Variants in CHCHD6 observed in about 807,000 individuals in gnomAD.
The protein encoded by CHCHD6 is coiled-coil-helix-coiled-coil-helix domain containing 6.
A neutral mutation model predicts 32.3 loss-of-function variants in CHCHD6; 28 were observed. That is an observed-to-expected ratio of 0.87 (90% confidence interval 0.64 to 1.19). The LOEUF is 1.19. Among genes scored for constraint, CHCHD6 ranks in the 50% most tolerant of loss-of-function variants. The probability of loss-of-function intolerance (pLI) is 0.00; values close to 1 mark genes in which losing one functional copy is unlikely to be tolerated. For synonymous variants in CHCHD6, 122 were observed against 117.5 expected (o/e 1.04, Z -0.25); for missense variants, 333 against 307.0 (o/e 1.08, Z -0.63).
chr3:126,745,919 C>T (rs529185678), intron 4 of CHCHD6, among the ~76,000 whole-genome samples: 4 of 152,268 alleles, frequency 2.6e-5, no homozygotes, highest in African/African-American at 7.2e-5. Flanking sequence ...TGCTTGGCTT[C>T]CTGCCCACTT....
At chr3:126,846,069 G>A (rs1206438953) in intron 4 of CHCHD6, among the ~76,000 whole-genome samples, 1 of 152,154 alleles carries the variant, frequency 6.6e-6, no homozygotes, top group African/African-American at 2.4e-5. Context: ...AAAACCTGTA[G>A]TCCACAGGCA....
At chr3:126,896,308 G>A (rs1467116727) in intron 5 of CHCHD6, among the ~76,000 whole-genome samples, 5 of 152,106 alleles carry the variant, frequency 3.3e-5, no homozygotes, top group Non-Finnish European at 5.9e-5. Flanking sequence ...TGCTCTTTGG[G>A]ACTTTGTCAA....
chr3:126,875,714 G>A lies in CHCHD6; in HGVS notation c.495+22984G>A, dbSNP rs2077531645. Among the ~76,000 whole-genome samples, 2 of 152,204 alleles carry A rather than the reference G, an allele frequency of 1.3e-5. 1 individual carries two copies. Among genetic ancestry groups the A allele is most frequent in the South Asian group, 4.1e-4 (2 of 4,832 alleles). On this transcript the variant is annotated intron_variant, in intron 5 of 7. Coordinates refer to ENST00000290913, the MANE Select transcript of CHCHD6 (RefSeq NM_032343.3). The stretch of plus-strand genomic sequence containing the variant: ...AGTCCCAGGGTTTAGACTCTAACCC[G>A]GGGAGGTAAAGGTATTTTCGCAGTT...
At chr3:126,950,561 C>G (rs1356648177) in intron 6 of CHCHD6, among the ~76,000 whole-genome samples, 1 of 152,244 alleles carries the variant, frequency 6.6e-6, no homozygotes, top group African/African-American at 2.4e-5. Flanking sequence ...AGTGATTCTC[C>G]TGCCTCAGCC....
chr3:126,841,050 T>C (rs7636132), intron 4 of CHCHD6, among the ~76,000 whole-genome samples: 136,557 of 149,528 alleles, frequency 0.91, 62,438 homozygotes, highest in East Asian at 0.95. Flanking sequence ...CCCACTCCCC[T>C]CACCCCACAA....
Position 126,931,367 on chromosome 3 carries a change from G to A in CHCHD6, c.566+16617G>A, listed in dbSNP as rs184660848. 5.5e-4 allele frequency among the ~76,000 whole-genome samples: 84 copies of A among 152,336 alleles called. No homozygotes were observed. In the East Asian group the frequency reaches 0.015, roughly 28 times the overall value. ...TCCTTCCCCTCCTGGGCCCAGCACA[G>A]GCTGGTGGGATGTGCTTGCTGGGTT... is the stretch of plus-strand genomic sequence containing the variant. On this transcript the variant is annotated intron_variant, in intron 6 of 7. Coordinates refer to ENST00000290913, the MANE Select transcript of CHCHD6 (RefSeq NM_032343.3).
intron 4 of CHCHD6, among the ~76,000 whole-genome samples, chr3:126,795,212 C>G (rs907568112): frequency 1.1e-4 from 16 of 152,160 alleles, no homozygotes; most frequent in African/African-American, 3.9e-4. Context: ...ACATGCAGAC[C>G]TCAGTGTGAA....
intron 6 of CHCHD6, among the ~76,000 whole-genome samples, chr3:126,945,368 T>C (rs1269098690): frequency 6.6e-6 from 1 of 151,690 alleles, no homozygotes; most frequent in African/African-American, 2.4e-5. Context: ...GTCAGAAAGA[T>C]CCCTCTAGTT....
At position 126,824,560 on chromosome 3, in the gene CHCHD6, C is replaced by CAAAAAAAA. The variant is rs71150454; in HGVS notation, c.412-28073_412-28066dup. Among the ~76,000 whole-genome samples, 206 of 39,976 alleles carry CAAAAAAAA rather than the reference C, an allele frequency of 5.2e-3. 35 individuals carry two copies. Among genetic ancestry groups the CAAAAAAAA allele is most frequent in the African/African-American group, 0.015 (102 of 6,800 alleles). 26.2% of individuals were successfully genotyped at this position (39,976 alleles called of 152,430 possible). A position where few individuals can be genotyped will look rare whatever the true frequency, so the allele number is the denominator to read the frequency against. Reference sequence around the variant, plus strand: ...TAGGTGATAGAGCAAGACTCTGTCTCAAAAAAAAAAAAAAAAAAAAAGTCA... The same window carrying CAAAAAAAA: ...TAGGTGATAGAGCAAGACTCTGTCTCAAAAAAAAAAAAAAAAAAAAAAAAAAAAAGTCA... On this transcript the variant is annotated intron_variant, in intron 4 of 7. Transcript: ENST00000290913.
At chr3:126,875,421 G>A (rs556584712) in intron 5 of CHCHD6, among the ~76,000 whole-genome samples, 75 of 152,366 alleles carry the variant, frequency 4.9e-4, no homozygotes, top group Non-Finnish European at 7.9e-4. Context: ...GAGCTGGCAC[G>A]TAGAGCCTCT....
chr3:126,729,740 G>A (rs1215835836), intron 2 of CHCHD6, among the ~76,000 whole-genome samples: 2 of 152,114 alleles, frequency 1.3e-5, no homozygotes, highest in Non-Finnish European at 2.9e-5. Context: ...GGGTGGAGTC[G>A]CACACCCTCA....
chr3:126,876,275 T>C (rs530615300), intron 5 of CHCHD6, among the ~76,000 whole-genome samples: 1 of 152,332 alleles, frequency 6.6e-6, no homozygotes, highest in East Asian at 1.9e-4. Flanking sequence ...GGGTGGTGTT[T>C]AGAAAGAAGC....
intron 6 of CHCHD6, among the ~76,000 whole-genome samples, chr3:126,946,501 C>T: frequency 6.6e-6 from 1 of 152,180 alleles, no homozygotes; most frequent in East Asian, 1.9e-4. Flanking sequence ...AATGCACCCC[C>T]AGGCTCTCTC....
chr3:126,863,359 A>T (rs1311223596), intron 5 of CHCHD6, among the ~76,000 whole-genome samples: 1 of 101,984 alleles, frequency 9.8e-6, no homozygotes, highest in Non-Finnish European at 1.9e-5. Context: ...CTCCTCTACC[A>T]TCACCACCTC....
intron 6 of CHCHD6, among the ~76,000 whole-genome samples, chr3:126,955,575 T>A (rs1012746277): frequency 6.6e-6 from 1 of 152,190 alleles, no homozygotes; most frequent in African/African-American, 2.4e-5. Context: ...TCCTTTACCT[T>A]GGCGCTGGTG....
At chr3:126,741,851 G>T (rs1936299404) in intron 4 of CHCHD6, among the ~76,000 whole-genome samples, 1 of 152,194 alleles carries the variant, frequency 6.6e-6, no homozygotes, top group South Asian at 2.1e-4. Flanking sequence ...TGCCAGGGAT[G>T]TGGCTCCCTG....
chr3:126,925,983 C>T (rs1049659508), intron 6 of CHCHD6, among the ~76,000 whole-genome samples: 4 of 152,184 alleles, frequency 2.6e-5, no homozygotes, highest in African/African-American at 7.2e-5. Flanking sequence ...TAACAATGGA[C>T]GAGACCATCC....
At chr3:126,953,067 G>C (rs2078737651) in intron 6 of CHCHD6, 1 of 985,384 alleles carries the variant, frequency 1.0e-6, no homozygotes, top group Non-Finnish European at 1.2e-6. Context: ...GGGCCGTCTT[G>C]GGCATCACCT....
At chr3:126,769,997 C>T (rs942260894) in intron 4 of CHCHD6, among the ~76,000 whole-genome samples, 4 of 152,048 alleles carry the variant, frequency 2.6e-5, no homozygotes, top group Admixed American at 6.6e-5. Flanking sequence ...TTTGTGTCAT[C>T]TCTGATTTCT....
Sources: gnomAD v4.1 joint callset for allele counts (sites outside exome capture counted in the v4.1 genomes callset) on GRCh38, gnomAD v4.1.1 for gene constraint, MANE v1.5 for transcripts, NCBI Gene and HGNC (gene_info 2026-07-23, HGNC 2026-07-21) for gene names.